SLC39A8: variants seen among roughly 807,000 people sequenced by gnomAD.
The protein encoded by SLC39A8 is metal cation symporter ZIP8.
SLC39A8 carries 15 observed loss-of-function variants against 40.4 expected under a neutral mutation model. The ratio of observed to expected loss-of-function variants is 0.37; its 90% confidence interval spans 0.25 to 0.57. The LOEUF is 0.57. Ranked by LOEUF, SLC39A8 falls within the 20% of genes least tolerant of loss-of-function variation. SLC39A8 has a pLI of 0.75. For missense variants in SLC39A8, 472 were observed against 558.8 expected, an observed-to-expected ratio of 0.84 and a Z score of 1.57; for synonymous variants, 223 against 221.6, an observed-to-expected ratio of 1.01 and a Z score of -0.06.
chr4:102,272,318 A>T (rs1330207479), intron 6 of SLC39A8, among the ~76,000 whole-genome samples: 2 of 152,054 alleles, frequency 1.3e-5, no homozygotes, highest in African/African-American at 4.8e-5. Flanking sequence ...GGGCGCCTGT[A>T]GTCCCAGCTA....
At chr4:102,272,241 G>A (rs1732394300) in intron 6 of SLC39A8, among the ~76,000 whole-genome samples, 1 of 151,904 alleles carries the variant, frequency 6.6e-6, no homozygotes, top group Admixed American at 6.6e-5. Flanking sequence ...AGACCATCCT[G>A]GCTAACATGG....
intron 2 of SLC39A8, among the ~76,000 whole-genome samples, chr4:102,317,901 G>A (rs1205791533): frequency 6.6e-6 from 1 of 152,072 alleles, no homozygotes. Flanking sequence ...GAATCAGGAC[G>A]CCCACTTGCT....
intron 3 of SLC39A8, among the ~76,000 whole-genome samples, chr4:102,310,573 A>ATT (rs1412983837): frequency 6.6e-6 from 1 of 152,114 alleles, no homozygotes; most frequent in Non-Finnish European, 1.5e-5. Flanking sequence ...GCCCTTGCAC[A>ATT]TTTATCAGCA....
intron 6 of SLC39A8, among the ~76,000 whole-genome samples, chr4:102,274,604 C>T (rs183624312): frequency 1.3e-5 from 2 of 152,198 alleles, no homozygotes; most frequent in Non-Finnish European, 2.9e-5. Context: ...ACAGAGAACA[C>T]CACTAAGATA....
chr4:102,282,424 A>G (rs561318327), intron 6 of SLC39A8, among the ~76,000 whole-genome samples: 80 of 152,316 alleles, frequency 5.3e-4, no homozygotes, highest in South Asian at 8.3e-4. Context: ...TCATTAATCA[A>G]TTCCAAATTG....
chr4:102,336,216 T>C (rs1276741479), intron 2 of SLC39A8, among the ~76,000 whole-genome samples: 1 of 152,236 alleles, frequency 6.6e-6, no homozygotes, highest in Non-Finnish European at 1.5e-5. Context: ...ATTGTTCTTA[T>C]TTTCTAGTCC....
At chr4:102,339,952 G>A (rs978380251) in intron 2 of SLC39A8, among the ~76,000 whole-genome samples, 3 of 152,190 alleles carry the variant, frequency 2.0e-5, no homozygotes, top group African/African-American at 7.2e-5. Flanking sequence ...ATATCCCACT[G>A]CTCAAGGTCA....
At chr4:102,287,155 TCC>T (rs145211943) in intron 6 of SLC39A8, among the ~76,000 whole-genome samples, 2,726 of 152,240 alleles carry the variant, frequency 0.018, 90 homozygotes, top group African/African-American at 0.063. Flanking sequence ...CCATTTATGT[TCC>T]TTTTTCAAGT....
intron 2 of SLC39A8, among the ~76,000 whole-genome samples, chr4:102,335,929 G>A (rs544638340): frequency 6.6e-5 from 10 of 152,088 alleles, no homozygotes; most frequent in African/African-American, 1.9e-4. Context: ...GTTGACAGAC[G>A]CTTGGGTGTT....
intron 11 of SLC39A8, among the ~76,000 whole-genome samples, chr4:102,255,981 C>T (rs919289983): frequency 6.6e-6 from 1 of 152,156 alleles, no homozygotes; most frequent in African/African-American, 2.4e-5. Context: ...GCTTACTTTT[C>T]ACAAATTAAA....
downstream of SLC39A8, among the ~76,000 whole-genome samples, chr4:102,259,792 A>G (rs546502552): frequency 6.8e-4 from 103 of 152,296 alleles, 1 homozygote; most frequent in African/African-American, 2.4e-3. Context: ...AATAACCCAT[A>G]TGGGGCAGGG....
At chr4:102,326,904 A>G (rs1367606759) in intron 2 of SLC39A8, among the ~76,000 whole-genome samples, 1 of 152,086 alleles carries the variant, frequency 6.6e-6, no homozygotes, top group Non-Finnish European at 1.5e-5. Flanking sequence ...CTGATGCATC[A>G]CCCATCAGCA....
chr4:102,299,193 C>T (rs545550602), intron 6 of SLC39A8, among the ~76,000 whole-genome samples: 78 of 151,946 alleles, frequency 5.1e-4, no homozygotes, highest in Admixed American at 3.1e-3. Context: ...TTCTTCCCAC[C>T]GCCAGGCAAG....
At chr4:102,330,405 T>C (rs995844853) in intron 2 of SLC39A8, among the ~76,000 whole-genome samples, 1 of 152,060 alleles carries the variant, frequency 6.6e-6, no homozygotes, top group African/African-American at 2.4e-5. Flanking sequence ...TCAACGCAAA[T>C]AAACTTGAAA....
In SLC39A8 at chr4:102,304,444, G is replaced by T; in HGVS notation, c.713C>A (p.Pro238His). Residue 238 changes from proline (P) to histidine (H), a missense_variant, in exon 6 of 9, where the codon CCT becomes CAT. Pro to His is a moderately conservative substitution (Grantham distance 77). Around this residue, in one of 4 missense-constraint regions of SLC39A8, gnomAD observed 239 missense variants for 317.9 expected, o/e 0.75. Coordinates refer to ENST00000356736, the MANE Select transcript of SLC39A8 (RefSeq NM_001135146.2). ...HTHFGNDNFGPQEKTHQPKAL... is the reference protein window; with the variant it reads ...HTHFGNDNFGHQEKTHQPKAL... ...TTTAGGTTGATGAGTTTTTTCTTGAGGACCAAAGTTATCATTTCCAAAGTG... is the reference window on the plus strand; with the variant it reads ...TTTAGGTTGATGAGTTTTTTCTTGATGACCAAAGTTATCATTTCCAAAGTG... The T allele has an allele frequency of 6.2e-7, 1 of 1,611,084 alleles. No homozygotes were observed. The highest frequency in any genetic ancestry group is 2.2e-5 in the East Asian group (1 of 44,748).
Position 102,318,684 on chromosome 4 carries a change from A to G in SLC39A8, c.220-2854T>C, listed in dbSNP as rs1734766176. On this transcript the variant is annotated intron_variant, in intron 2 of 8. Transcript: ENST00000356736. ...GACAAGGAGGCTCAAACACCCTCAC[A>G]AGCACACCCTTTCACCTCCAAAACA... Among the ~76,000 whole-genome samples, 13 of 152,260 alleles carry G rather than the reference A, an allele frequency of 8.5e-5. No individual in the cohort carries two copies. The South Asian group carries it at 1.7e-3, about 19-fold the overall frequency.
chr4:102,285,063 C>T (rs1161628385), intron 6 of SLC39A8, among the ~76,000 whole-genome samples: 1 of 152,120 alleles, frequency 6.6e-6, no homozygotes, highest in African/African-American at 2.4e-5. Context: ...TCATTAAGCA[C>T]TTTGATATTC....
At chr4:102,298,396 A>G (rs2149029065) in intron 6 of SLC39A8, among the ~76,000 whole-genome samples, 2 of 152,154 alleles carry the variant, frequency 1.3e-5, no homozygotes, top group South Asian at 4.1e-4. Flanking sequence ...TCTCCTCATG[A>G]TTGGCTATAT....
At chr4:102,263,306 A>C in intron 8 of SLC39A8, 113 bp from the exon 9 acceptor site, 1 of 850,196 alleles carries the variant, frequency 1.2e-6, no homozygotes, top group Non-Finnish European at 1.9e-6. Context: ...GACCAGTGTG[A>C]TAAAGCAAAC....
Sources: gnomAD v4.1 joint callset for allele counts (sites outside exome capture counted in the v4.1 genomes callset) on GRCh38, gnomAD v4.1.1 for gene constraint, gnomAD v4.1.1 regional missense constraint, MANE v1.5 for transcripts, NCBI Gene and HGNC (gene_info 2026-07-23, HGNC 2026-07-21) for gene names.